CLINT1: variants seen among roughly 807,000 people sequenced by gnomAD.
CLINT1 encodes clathrin interactor 1, also known as clathrin interacting protein localized in the trans-Golgi region.
In CLINT1, 15 loss-of-function variants were observed where a neutral mutation model predicts 70.4. The observed-to-expected ratio is 0.21, with a 90% CI of 0.14 to 0.33. The LOEUF is 0.33. Ranked by LOEUF, CLINT1 falls within the 10% of genes least tolerant of loss-of-function variation. CLINT1 has a pLI of 1.00. For synonymous variants in CLINT1, 227 were observed against 254.7 expected (o/e 0.89, Z 1.04); for missense variants, 615 against 778.1 (o/e 0.79, Z 2.49).
At chr5:157,848,404 T>A (rs1753454292) in intron 1 of CLINT1, among the ~76,000 whole-genome samples, 1 of 149,682 alleles carries the variant, frequency 6.7e-6, no homozygotes, top group Non-Finnish European at 1.5e-5. Flanking sequence ...ACCTAAGAAT[T>A]ATTATTTTTT....
chr5:157,818,097 C>T (rs1226427268), intron 1 of CLINT1, among the ~76,000 whole-genome samples: 2 of 152,084 alleles, frequency 1.3e-5, no homozygotes, highest in Non-Finnish European at 2.9e-5. Context: ...CTATCATATG[C>T]ACTTCTATGT....
chr5:157,855,142 G>GGA (rs1554103603), intron 1 of CLINT1, among the ~76,000 whole-genome samples: 840 of 25,932 alleles, frequency 0.032, 44 homozygotes, highest in African/African-American at 0.086. Flanking sequence ...AACTGTCTCC[G>GGA]AAAAAAAAAA....
At chr5:157,788,135 A>G (rs1176612297) in intron 11 of CLINT1, 143 bp from the exon 12 acceptor site, 13 of 723,354 alleles carry the variant, frequency 1.8e-5, no homozygotes, top group East Asian at 8.0e-5. Flanking sequence ...TTAGAAATCA[A>G]TTACTCTGCA....
chr5:157,844,961 T>A (rs1170212851), intron 1 of CLINT1, among the ~76,000 whole-genome samples: 2 of 152,246 alleles, frequency 1.3e-5, no homozygotes, highest in East Asian at 3.8e-4. Context: ...ACAGTCATTA[T>A]TCAGAATATT....
chr5:157,787,999 G>A lies in CLINT1; in HGVS notation c.1532-7C>T. ...TTCATAGGCTGCTGCATATCTACCA[G>A]ACGAAAACAGACAGAAGAACTTTAC... is the stretch of plus-strand genomic sequence containing the variant. On this transcript the variant is annotated splice_polypyrimidine_tract_variant and splice_region_variant and intron_variant, in intron 11 of 11. Coordinates refer to ENST00000411809, the MANE Select transcript of CLINT1 (RefSeq NM_014666.4). The A allele has an allele frequency of 1.3e-6, 2 of 1,588,806 alleles. No homozygotes were observed. Among genetic ancestry groups the A allele is most frequent in the South Asian group, 1.1e-5 (1 of 88,228 alleles).
intron 8 of CLINT1, among the ~76,000 whole-genome samples, chr5:157,796,307 C>T (rs927901847): frequency 2.0e-5 from 3 of 152,132 alleles, no homozygotes; most frequent in African/African-American, 2.4e-5. Flanking sequence ...TTTGTAAATA[C>T]TACATGGGTA....
At chr5:157,807,756 TAAA>T (rs959610429) in intron 6 of CLINT1, among the ~76,000 whole-genome samples, 2 of 151,738 alleles carry the variant, frequency 1.3e-5, no homozygotes, top group African/African-American at 2.4e-5. Context: ...GAAACAGAAA[TAAA>T]AGAAGAGTAG....
At chr5:157,831,865 T>C (rs1763255023) in intron 1 of CLINT1, among the ~76,000 whole-genome samples, 1 of 152,080 alleles carries the variant, frequency 6.6e-6, no homozygotes. Flanking sequence ...CTAATTTTTG[T>C]ATTTGTAGTA....
intron 1 of CLINT1, among the ~76,000 whole-genome samples, chr5:157,840,222 GAGA>G (rs1327867698): frequency 1.1e-4 from 11 of 101,830 alleles, no homozygotes; most frequent in African/African-American, 2.4e-4. Context: ...AAGGAAAAAA[GAGA>G]AGAAGAACTG....
intron 6 of CLINT1, among the ~76,000 whole-genome samples, chr5:157,806,989 AGC>A (rs1554099181): frequency 2.1e-5 from 3 of 145,000 alleles, no homozygotes; most frequent in African/African-American, 2.5e-5. Context: ...AGAGAGAGAG[AGC>A]GAAAGAGAGA....
chr5:157,826,769 G>GT (rs1368841666), intron 1 of CLINT1, among the ~76,000 whole-genome samples: 2 of 152,288 alleles, frequency 1.3e-5, no homozygotes, highest in African/African-American at 4.8e-5. Context: ...AGCAGGAAAT[G>GT]TAACGCAAGA....
At chr5:157,853,460 G>A (rs1048204267) in intron 1 of CLINT1, among the ~76,000 whole-genome samples, 21 of 151,926 alleles carry the variant, frequency 1.4e-4, no homozygotes, top group African/African-American at 5.1e-4. Flanking sequence ...ACTTTCAATG[G>A]ACATATCAGT....
chr5:157,814,117 G>C (rs893644537), intron 4 of CLINT1, 68 bp downstream of exon 4: 2 of 978,544 alleles, frequency 2.0e-6, no homozygotes, highest in Non-Finnish European at 3.2e-6. Context: ...AAGCTTCTAA[G>C]CTGGTTCAGG....
chr5:157,826,277 G>A (rs192659142), intron 1 of CLINT1, among the ~76,000 whole-genome samples: 6 of 152,034 alleles, frequency 3.9e-5, no homozygotes, highest in African/African-American at 7.2e-5. Context: ...CCTCACCACC[G>A]GATAATGAAT....
intron 8 of CLINT1, among the ~76,000 whole-genome samples, chr5:157,801,637 A>G (rs1762225700): frequency 6.6e-6 from 1 of 152,118 alleles, no homozygotes; most frequent in African/African-American, 2.4e-5. Context: ...GTTCGAGACC[A>G]GCCTGGCCAA....
chr5:157,827,101 T>A (rs1194786052), intron 1 of CLINT1, among the ~76,000 whole-genome samples: 14 of 152,160 alleles, frequency 9.2e-5, no homozygotes, highest in Non-Finnish European at 1.5e-5. Flanking sequence ...CCAATATGTC[T>A]GTCCTAAAAT....
chr5:157,842,029 T>G (rs1753198370), intron 1 of CLINT1, among the ~76,000 whole-genome samples: 2 of 152,166 alleles, frequency 1.3e-5, no homozygotes, highest in South Asian at 4.1e-4. Flanking sequence ...TTCCACTAAC[T>G]CACTGAAGAG....
intron 1 of CLINT1, among the ~76,000 whole-genome samples, chr5:157,830,320 G>T (rs574710035): frequency 1.3e-5 from 2 of 151,928 alleles, no homozygotes; most frequent in Non-Finnish European, 2.9e-5. Context: ...TTTGGTATCT[G>T]TTATTTCTTA....
At position 157,794,980 on chromosome 5, in the gene CLINT1, T is replaced by G. The variant is rs138599416; in HGVS notation, c.1013-8A>C. ...ATAAATCAGCTGATCCTCCTAGAAG[T>G]TAAGAAAAAGTTAAAACTGTTAGAA... On this transcript the variant is annotated splice_region_variant and splice_polypyrimidine_tract_variant and intron_variant, in intron 8 of 11. Coordinates refer to ENST00000411809, the MANE Select transcript of CLINT1 (RefSeq NM_014666.4). 2.2e-5 allele frequency: 34 copies of G among 1,550,358 alleles called. No individual in the cohort carries two copies. The African/African-American group carries it at 4.1e-4, about 19-fold the overall frequency.
Sources: allele counts gnomAD v4.1 joint callset (sites outside exome capture counted in the v4.1 genomes callset), GRCh38; gene constraint gnomAD v4.1.1; transcripts MANE v1.5; gene names NCBI Gene and HGNC (gene_info 2026-07-23, HGNC 2026-07-21).